The following RIMS2 variants were observed in gnomAD, a reference collection of about 807,000 sequenced individuals.
RIMS2 encodes the protein regulating synaptic membrane exocytosis 2, also known as regulating synaptic membrane exocytosis protein 2.
In RIMS2, 59 loss-of-function variants were observed where a neutral mutation model predicts 174.4. The ratio of observed to expected loss-of-function variants is 0.34; its 90% CI spans 0.27 to 0.42. RIMS2 has a LOEUF of 0.42. Ranked by LOEUF, RIMS2 falls within the 10% of genes least tolerant of loss-of-function variation. RIMS2 has a pLI of 1.00. For missense variants in RIMS2, 1,620 were observed against 1,666.3 expected (o/e 0.97, Z 0.48); for synonymous variants, 606 against 572.5 (o/e 1.06, Z -0.84).
At chr8:103,918,280 G>A (rs1455503253) in intron 8 of RIMS2, among the ~76,000 whole-genome samples, 161 bp from the exon 12 acceptor site, 3 of 152,058 alleles carry the variant, frequency 2.0e-5, no homozygotes, top group Non-Finnish European at 2.9e-5. Flanking sequence ...TTAGCAATAA[G>A]TACTAAGGCT....
At chr8:103,956,151 C>G (rs1261912181) in intron 14 of RIMS2, among the ~76,000 whole-genome samples, 1 of 151,886 alleles carries the variant, frequency 6.6e-6, no homozygotes, top group Non-Finnish European at 1.5e-5. Context: ...TAGGAAGAAC[C>G]AAAACTCAAA....
intron 11 of RIMS2, among the ~76,000 whole-genome samples, chr8:103,928,115 T>G (rs1297838497): frequency 2.0e-5 from 3 of 151,732 alleles, no homozygotes; most frequent in African/African-American, 7.2e-5. Context: ...TATGATAAAC[T>G]AAATATTAAA....
At chr8:104,208,318 AC>A (rs1395559402) in intron 19 of RIMS2, among the ~76,000 whole-genome samples, 1 of 152,050 alleles carries the variant, frequency 6.6e-6, no homozygotes, top group East Asian at 1.9e-4. Context: ...CTGTAATCCC[AC>A]CATTTTGGGA....
intron 19 of RIMS2, among the ~76,000 whole-genome samples, chr8:104,140,098 C>T (rs1285336310): frequency 3.3e-5 from 5 of 152,120 alleles, no homozygotes; most frequent in South Asian, 2.1e-4. Context: ...ATCTTCGCAT[C>T]GCTAGGATCA....
chr8:104,185,402 A>G (rs1460768718), intron 19 of RIMS2, among the ~76,000 whole-genome samples: 1 of 151,674 alleles, frequency 6.6e-6, no homozygotes, highest in Non-Finnish European at 1.5e-5. Flanking sequence ...CCAAAGGGCC[A>G]AAAGTGTTCA....
Position 103,629,193 on chromosome 8 carries a change from C to T in RIMS2, c.177-67893C>T, listed in dbSNP as rs980241105. On this transcript the variant is annotated intron_variant, in intron 1 of 23. Transcript: ENST00000504942. ...TGTGGATAGACCCTCTCCTCCATCC[C>T]CATGATGCAATAATGAGCCAGAATA... Among the ~76,000 whole-genome samples the T allele has an allele frequency of 2.0e-5, 3 of 152,152 alleles. No homozygotes were observed. In the East Asian group the frequency reaches 5.8e-4, roughly 29 times the overall value.
chr8:103,754,528 G>A (rs536489474), intron 2 of RIMS2, among the ~76,000 whole-genome samples: 1 of 152,104 alleles, frequency 6.6e-6, no homozygotes, highest in Admixed American at 6.5e-5. Context: ...TGACAGTGGG[G>A]TGTTAAAGTG....
intron 3 of RIMS2, among the ~76,000 whole-genome samples, chr8:103,771,190 A>G (rs891226227): frequency 3.9e-5 from 6 of 152,200 alleles, no homozygotes; most frequent in African/African-American, 1.4e-4. Context: ...TACTTAACAT[A>G]TAGTCATAAA....
intron 10 of RIMS2, among the ~76,000 whole-genome samples, chr8:103,926,483 GA>G (rs1202210850): frequency 5.9e-5 from 9 of 151,568 alleles, no homozygotes; most frequent in African/African-American, 2.2e-4. Context: ...GAGATTGAGA[GA>G]GAGAGAAAGA....
intron 1 of RIMS2, among the ~76,000 whole-genome samples, chr8:103,529,629 C>T (rs1049918574): frequency 3.9e-5 from 6 of 152,192 alleles, no homozygotes; most frequent in Non-Finnish European, 7.4e-5. Context: ...TCTGCACCCA[C>T]GGTCCTGCAC....
intron 10 of RIMS2, among the ~76,000 whole-genome samples, chr8:103,923,857 T>G (rs1443359374): frequency 6.6e-6 from 1 of 151,704 alleles, no homozygotes; most frequent in Non-Finnish European, 1.5e-5. Context: ...GACACTGAAA[T>G]ATAACCATTC....
chr8:103,875,495 C>G (rs1227432221), intron 3 of RIMS2, among the ~76,000 whole-genome samples: 1 of 152,006 alleles, frequency 6.6e-6, no homozygotes, highest in Non-Finnish European at 1.5e-5. Flanking sequence ...ACCACATTTT[C>G]TTTATCCACT....
At chr8:103,535,712 A>T (rs1052902679) in intron 1 of RIMS2, among the ~76,000 whole-genome samples, 2 of 152,202 alleles carry the variant, frequency 1.3e-5, no homozygotes, top group Non-Finnish European at 2.9e-5. Flanking sequence ...CAGGTAGCTA[A>T]ATGTGACAAG....
At chr8:103,904,909 T>C (rs2074039601) in intron 4 of RIMS2, among the ~76,000 whole-genome samples, 1 of 152,036 alleles carries the variant, frequency 6.6e-6, no homozygotes, top group African/African-American at 2.4e-5. Flanking sequence ...TGTATTTCTT[T>C]TTGTAGGTTT....
chr8:104,071,438 T>C (rs1226887974), intron 19 of RIMS2, among the ~76,000 whole-genome samples: 1 of 151,710 alleles, frequency 6.6e-6, no homozygotes, highest in East Asian at 1.9e-4. Context: ...CTGTGGTGTT[T>C]GTTTGTTTGT....
chr8:103,537,571 A>AT (rs1044840345), intron 1 of RIMS2, among the ~76,000 whole-genome samples: 32 of 149,694 alleles, frequency 2.1e-4, no homozygotes, highest in South Asian at 4.3e-4. Context: ...TAGCAAATTC[A>AT]TTTTTTTTTG....
intron 1 of RIMS2, among the ~76,000 whole-genome samples, chr8:103,596,507 A>G (rs889001134): frequency 1.3e-5 from 2 of 152,060 alleles, no homozygotes; most frequent in Non-Finnish European, 2.9e-5. Flanking sequence ...AAATATCTCA[A>G]ATATTAATAA....
Position 103,528,918 on chromosome 8 carries a change from A to G in RIMS2, c.176+27856A>G, listed in dbSNP as rs531792702. 3.9e-5 allele frequency among the ~76,000 whole-genome samples: 6 copies of G among 152,176 alleles called. No homozygotes were observed. In the South Asian group the frequency reaches 6.2e-4, roughly 16 times the overall value. On this transcript the variant is annotated intron_variant, in intron 1 of 23. Coordinates refer to ENST00000504942, the Ensembl canonical transcript of RIMS2. ...ATGATCTTTAAAGTAGTTTTTTCCAATTCTGTGAAGAAAGTCATTGGTAGC... is the reference window on the plus strand; with the variant it reads ...ATGATCTTTAAAGTAGTTTTTTCCAGTTCTGTGAAGAAAGTCATTGGTAGC...
At chr8:103,609,244 T>A (rs915601183) in intron 1 of RIMS2, among the ~76,000 whole-genome samples, 6 of 152,200 alleles carry the variant, frequency 3.9e-5, no homozygotes, top group Middle Eastern at 3.2e-3. Flanking sequence ...TTTTTATAGG[T>A]GCTGAATATT....
Sources: allele counts gnomAD v4.1 joint callset (sites outside exome capture counted in the v4.1 genomes callset), GRCh38; gene constraint gnomAD v4.1.1; transcripts MANE v1.5; gene names NCBI Gene and HGNC (gene_info 2026-07-23, HGNC 2026-07-21).